Variants in LPP observed in about 807,000 individuals in gnomAD.
LPP encodes LIM domain containing preferred translocation partner in lipoma, also known as lipoma-preferred partner.
In LPP, 38 loss-of-function variants were observed where a neutral mutation model predicts 60.4. That is an observed-to-expected ratio of 0.63 (90% CI 0.49 to 0.83). The LOEUF (loss-of-function observed/expected upper bound fraction) is 0.83. LPP is among the 40% of genes least tolerant of loss of function. The pLI, the probability that LPP is intolerant of heterozygous loss-of-function variation, is 0.00. For synonymous variants in LPP, 328 were observed against 290.8 expected (o/e 1.13, Z -1.30); for missense variants, 902 against 783.6 (o/e 1.15, Z -1.80).
In LPP at chr3:188,679,562, T is replaced by TGTGTGCGC. The variant is rs539053363; in HGVS notation, c.1114-28704_1114-28703insTGTGCGCG. On this transcript the variant is annotated intron_variant, in intron 7 of 11. Coordinates refer to ENST00000617246, the MANE Select transcript of LPP (RefSeq NM_001375462.1). ...GTGTGTGTGTGTGTGTGTGTGTGTG[T>TGTGTGCGC]GCGCGCGCGCATGTTTAGTTGCTGT... Among the ~76,000 whole-genome samples the TGTGTGCGC allele has an allele frequency of 7.3e-5, 9 of 124,124 alleles. No individual in the cohort carries two copies. The South Asian group carries it at 9.8e-4, about 13-fold the overall frequency. The allele number at this position is 124,124 out of a possible 152,430, so 81.4% of individuals were successfully genotyped here. A position where few individuals can be genotyped will look rare whatever the true frequency, so the allele number is the denominator to read the frequency against.
At chr3:188,497,110 T>C (rs1316171667) in intron 5 of LPP, among the ~76,000 whole-genome samples, 1 of 152,132 alleles carries the variant, frequency 6.6e-6, no homozygotes, top group African/African-American at 2.4e-5. Context: ...AAATTTGGTT[T>C]ATGAGAGGCT....
intron 9 of LPP, among the ~76,000 whole-genome samples, chr3:188,825,229 A>G (rs1403261940): frequency 2.0e-5 from 3 of 148,238 alleles, no homozygotes; most frequent in Non-Finnish European, 4.5e-5. Context: ...GTATAGGTGC[A>G]GTAGTCCCAG....
chr3:188,759,763 A>G (rs897252290), intron 8 of LPP, among the ~76,000 whole-genome samples: 3 of 152,190 alleles, frequency 2.0e-5, no homozygotes, highest in Non-Finnish European at 2.9e-5. Flanking sequence ...TTCCACTCCA[A>G]ACATCCTGAG....
intron 2 of LPP, among the ~76,000 whole-genome samples, chr3:188,341,033 C>T (rs1400919475): frequency 6.6e-6 from 1 of 152,180 alleles, no homozygotes; most frequent in African/African-American, 2.4e-5. Flanking sequence ...AATTGACACT[C>T]ATGGAGTTTA....
At chr3:188,853,140 G>C (rs1057355054) in intron 9 of LPP, among the ~76,000 whole-genome samples, 1 of 151,138 alleles carries the variant, frequency 6.6e-6, no homozygotes, top group African/African-American at 2.4e-5. Context: ...AAAAGAGGGA[G>C]ACTCTGTCTC....
In LPP at chr3:188,721,489, C is replaced by T. The variant is rs535692131; in HGVS notation, c.1240+13096C>T. On this transcript the variant is annotated intron_variant, in intron 8 of 11. Transcript: ENST00000617246. ...GGATCACTTAAGCACTGGAGGTCAA[C>T]GGTGCAGTGAGCCGTGATTGCACCA... Among the ~76,000 whole-genome samples, 7 of 152,198 alleles carry T rather than the reference C, an allele frequency of 4.6e-5. No individual in the cohort carries two copies. In the South Asian group the frequency reaches 1.5e-3, roughly 32 times the overall value.
chr3:188,656,534 C>T (rs1853255142), intron 7 of LPP, among the ~76,000 whole-genome samples: 1 of 152,214 alleles, frequency 6.6e-6, no homozygotes, highest in Admixed American at 6.5e-5. Context: ...TTTCTGCTCA[C>T]CTGCCAAGGC....
intron 8 of LPP, among the ~76,000 whole-genome samples, chr3:188,751,952 A>C (rs1728216195): frequency 6.6e-6 from 1 of 152,284 alleles, no homozygotes; most frequent in African/African-American, 2.4e-5. Flanking sequence ...ATAAATCTTA[A>C]CCAACTGCCT....
At chr3:188,700,922 A>G (rs1864273372) in intron 7 of LPP, among the ~76,000 whole-genome samples, 1 of 152,224 alleles carries the variant, frequency 6.6e-6, no homozygotes, top group Non-Finnish European at 1.5e-5. Flanking sequence ...ATAGAGTAGA[A>G]CCAAAGGAAG....
At chr3:188,729,812 T>C (rs1171137533) in intron 8 of LPP, among the ~76,000 whole-genome samples, 2 of 144,664 alleles carry the variant, frequency 1.4e-5, no homozygotes, top group African/African-American at 2.5e-5. Flanking sequence ...ACCCTGTCTG[T>C]ACAAAAAGTG....
chr3:188,381,728 C>T (rs903895417), intron 3 of LPP, among the ~76,000 whole-genome samples: 4 of 152,028 alleles, frequency 2.6e-5, no homozygotes, highest in African/African-American at 7.2e-5. Flanking sequence ...AAATGAATCG[C>T]CTTATAGTTA....
At chr3:188,865,917 TA>T (rs541717252) in intron 9 of LPP, among the ~76,000 whole-genome samples, 8 of 152,214 alleles carry the variant, frequency 5.3e-5, no homozygotes, top group Non-Finnish European at 1.2e-4. Context: ...TGCCACCTAC[TA>T]CCTGAGTAAT....
At chr3:188,307,412 C>T (rs199906007) in intron 2 of LPP, among the ~76,000 whole-genome samples, 1 of 152,058 alleles carries the variant, frequency 6.6e-6, no homozygotes, top group South Asian at 2.1e-4. Context: ...GCTGTTTTTT[C>T]GAAAGCCTCA....
At chr3:188,830,877 G>A (rs1328081094) in intron 9 of LPP, among the ~76,000 whole-genome samples, 1 of 152,182 alleles carries the variant, frequency 6.6e-6, no homozygotes, top group African/African-American at 2.4e-5. Flanking sequence ...GATTGTTGTT[G>A]AGTCCAGCTG....
At chr3:188,872,247 A>C (rs563941111) in intron 10 of LPP, among the ~76,000 whole-genome samples, 1 of 152,304 alleles carries the variant, frequency 6.6e-6, no homozygotes, top group East Asian at 1.9e-4. Context: ...TCTAGGACCT[A>C]AGGAGTGCAT....
intron 1 of LPP, among the ~76,000 whole-genome samples, chr3:188,195,247 G>A (rs143200104): frequency 0.031 from 4,696 of 151,066 alleles, 129 homozygotes; most frequent in South Asian, 0.098. Flanking sequence ...CGACAAGAGC[G>A]AGACTCTGTC....
Position 188,524,668 on chromosome 3 carries a change from A to G in LPP, c.310A>G (p.Asn104Asp), listed in dbSNP as rs1819957649. 6.2e-7 allele frequency: 1 copy of G among 1,612,944 alleles called. No individual in the cohort carries two copies. Among genetic ancestry groups the G allele is most frequent in the Non-Finnish European group, 8.5e-7 (1 of 1,179,496 alleles). Residue 104 changes from asparagine to aspartate, a missense_variant, in exon 6 of 12, where the codon AAT becomes GAT. Asn to Asp is a conservative substitution (Grantham distance 23). Transcript: ENST00000617246. The stretch of plus-strand genomic sequence containing the variant: ...ATGTCTGTGTTGCTTCCAACAGGGG[A>G]ATCCCGGAGGCAAGACACTTGAGGA... ...LDEEAFKVQG[N>D]PGGKTLEERR...
chr3:188,294,806 G>A (rs1747284142), intron 2 of LPP, among the ~76,000 whole-genome samples: 1 of 152,186 alleles, frequency 6.6e-6, no homozygotes, highest in African/African-American at 2.4e-5. Flanking sequence ...CAGGTGCCCA[G>A]GGAATAGAGG....
Position 188,883,779 on chromosome 3 carries a change from C to T in LPP, c.*9300C>T, listed in dbSNP as rs996231061. ...AGGTTGGGAAATATTGGTGTATAAT[C>T]CCCATGTCTAACAAGGAAGAAGTCA... On this transcript the variant is annotated 3_prime_UTR_variant, in exon 12 of 12. Transcript: ENST00000617246. 1.6e-5 allele frequency: 3 copies of T among 185,606 alleles called. No individual in the cohort carries two copies. Among genetic ancestry groups the T allele is most frequent in the African/African-American group, 7.2e-5 (3 of 41,680 alleles). The allele number at this position is 185,606 out of a possible 1,614,324, so 11.5% of individuals were successfully genotyped here.
Sources: allele counts gnomAD v4.1 joint callset (sites outside exome capture counted in the v4.1 genomes callset), GRCh38; gene constraint gnomAD v4.1.1; transcripts MANE v1.5; gene names NCBI Gene and HGNC (gene_info 2026-07-23, HGNC 2026-07-21).